ZNF521: variants seen among roughly 807,000 people sequenced by gnomAD.
ZNF521 encodes the protein LYST-interacting protein 3.
Under a neutral mutation model 105.5 loss-of-function variants are expected in ZNF521, and 14 were observed. The observed-to-expected ratio is 0.13, with a 90% confidence interval of 0.09 to 0.21. The LOEUF (loss-of-function observed/expected upper bound fraction) is 0.21. ZNF521 is among the 10% of genes least tolerant of loss of function. The probability of loss-of-function intolerance (pLI) is 1.00; values close to 1 mark genes in which losing one functional copy is unlikely to be tolerated. For synonymous variants in ZNF521, 635 were observed against 606.0 expected (o/e 1.05, Z -0.70); for missense variants, 1,233 against 1,629.7 (o/e 0.76, Z 4.19).
intron 5 of ZNF521, among the ~76,000 whole-genome samples, chr18:25,128,580 T>A (rs895378456): frequency 6.6e-6 from 1 of 151,780 alleles, no homozygotes; most frequent in African/African-American, 2.4e-5. Flanking sequence ...ACGAAGAAAA[T>A]CCTGGAACTA....
intron 7 of ZNF521, among the ~76,000 whole-genome samples, chr18:25,077,014 T>G (rs901171262): frequency 1.3e-5 from 2 of 152,220 alleles, no homozygotes; most frequent in African/African-American, 2.4e-5. Context: ...CTAGGCAGCT[T>G]GCTACAAATC....
chr18:25,146,858 C>T (rs1401364187), intron 5 of ZNF521, among the ~76,000 whole-genome samples: 1 of 151,820 alleles, frequency 6.6e-6, no homozygotes, highest in Admixed American at 6.6e-5. Context: ...TGTGATAAAC[C>T]CTTTATACCT....
chr18:25,321,605 G>A (rs887664018), intron 3 of ZNF521, among the ~76,000 whole-genome samples: 15 of 152,210 alleles, frequency 9.9e-5, no homozygotes, highest in African/African-American at 3.6e-4. Context: ...GCTAACTCAG[G>A]CAGAGGGAGA....
At chr18:25,268,213 C>A (rs888585996) in intron 3 of ZNF521, among the ~76,000 whole-genome samples, 27 of 151,920 alleles carry the variant, frequency 1.8e-4, no homozygotes, top group Admixed American at 1.8e-3. Context: ...TGAAATACAG[C>A]AAGAAGACAA....
chr18:25,320,655 A>T (rs945852609), intron 3 of ZNF521, among the ~76,000 whole-genome samples: 15 of 152,228 alleles, frequency 9.9e-5, no homozygotes, highest in Non-Finnish European at 2.2e-4. Flanking sequence ...ATGGAGAAAA[A>T]TGTAAGCAAC....
intron 5 of ZNF521, among the ~76,000 whole-genome samples, chr18:25,101,942 G>T (rs1357953233): frequency 6.6e-6 from 1 of 152,146 alleles, no homozygotes; most frequent in Non-Finnish European, 1.5e-5. Context: ...AGCAATTAAA[G>T]AGAACAGCAG....
intron 1 of ZNF521, 107 bp downstream of exon 1, chr18:25,351,889 AGCAGCGGCG>A (rs896397497): frequency 9.3e-5 from 26 of 278,420 alleles, no homozygotes; most frequent in South Asian, 3.1e-4. Flanking sequence ...CGGCGGCGGC[AGCAGCGGCG>A]GCAGCGGCGG....
rs763964957 is a variant in ZNF521 at position 25,227,009 on chromosome 18, C to T, written c.909G>A (p.Val303=). 6.2e-7 allele frequency: 1 copy of T among 1,614,150 alleles called. No homozygotes were observed. The highest frequency in any genetic ancestry group is 1.1e-5 in the South Asian group (1 of 91,074). The change falls in exon 4 of 8, where the codon GTG becomes GTA. Residue 303 remains valine, a synonymous_variant. Coordinates refer to ENST00000361524, the MANE Select transcript of ZNF521 (RefSeq NM_015461.3). The surrounding 1 kb of genome is among the most constrained non-coding windows in gnomAD (Gnocchi z 5.7). ...ETSLMNHMEQ[V]HSGEKKNSCS... ...ATGAGTTCTTCTTCTCCCCGCTATG[C>T]ACCTGCTCCATGTGGTTCATGAGGG...
chr18:25,067,042 A>G (rs1415323127), intron 7 of ZNF521, among the ~76,000 whole-genome samples: 1 of 152,230 alleles, frequency 6.6e-6, no homozygotes, highest in Non-Finnish European at 1.5e-5. Context: ...AAAAGGAAGT[A>G]GGAAGAGAAG....
intron 3 of ZNF521, among the ~76,000 whole-genome samples, chr18:25,244,723 C>T (rs1057020311): frequency 8.5e-5 from 13 of 152,192 alleles, no homozygotes; most frequent in African/African-American, 2.7e-4. Context: ...AGGAGAAATT[C>T]CAAAAGGTAC....
intron 5 of ZNF521, among the ~76,000 whole-genome samples, chr18:25,183,979 G>T (rs1363807454): frequency 3.3e-5 from 5 of 152,250 alleles, no homozygotes; most frequent in African/African-American, 9.6e-5. Context: ...GAAACAGATA[G>T]GGGATGGTAT....
intron 2 of ZNF521, among the ~76,000 whole-genome samples, chr18:25,344,168 T>C (rs1914355507): frequency 2.1e-5 from 3 of 143,372 alleles, no homozygotes; most frequent in Non-Finnish European, 4.5e-5. Context: ...TGATGCATGC[T>C]AAAAGCCCAA....
intron 2 of ZNF521, among the ~76,000 whole-genome samples, chr18:25,335,807 G>A (rs1359155267): frequency 6.6e-6 from 1 of 152,200 alleles, no homozygotes; most frequent in Non-Finnish European, 1.5e-5. Flanking sequence ...AAAAGATAGT[G>A]TCTACGAAGA....
chr18:25,173,505 C>T (rs1403414117), intron 5 of ZNF521, among the ~76,000 whole-genome samples: 2 of 152,206 alleles, frequency 1.3e-5, no homozygotes, highest in Non-Finnish European at 2.9e-5. Context: ...TTTAAGGCAA[C>T]CACCCCACGT....
chr18:25,269,572 G>C (rs948997440), intron 3 of ZNF521, among the ~76,000 whole-genome samples: 3 of 152,124 alleles, frequency 2.0e-5, no homozygotes, highest in African/African-American at 7.2e-5. Flanking sequence ...CAAAAGAATG[G>C]AAGTCATAAC....
At chr18:25,116,876 TATATATATATAC>T in intron 5 of ZNF521, among the ~76,000 whole-genome samples, 1 of 90,492 alleles carries the variant, frequency 1.1e-5, no homozygotes, top group Non-Finnish European at 2.6e-5. Context: ...TATACGTATA[TATATATATATAC>T]GTATATATAT....
intron 3 of ZNF521, among the ~76,000 whole-genome samples, chr18:25,310,726 C>A (rs1430135065): frequency 6.6e-6 from 1 of 152,084 alleles, no homozygotes; most frequent in Non-Finnish European, 1.5e-5. Context: ...GTTGCATTGA[C>A]CCTGTTATTT....
chr18:25,239,542 G>A (rs1244324640), intron 3 of ZNF521, among the ~76,000 whole-genome samples: 1 of 152,186 alleles, frequency 6.6e-6, no homozygotes. Context: ...CAAAGCAAAT[G>A]AATATCTGGA....
chr18:25,163,597 C>T (rs2035286787), intron 5 of ZNF521, among the ~76,000 whole-genome samples: 1 of 152,124 alleles, frequency 6.6e-6, no homozygotes, highest in Non-Finnish European at 1.5e-5. Flanking sequence ...AGACACAATG[C>T]AATTGGAACA....
Sources: allele counts gnomAD v4.1 joint callset (sites outside exome capture counted in the v4.1 genomes callset), GRCh38; gene constraint gnomAD v4.1.1; non-coding constraint Gnocchi (gnomAD v3.1); transcripts MANE v1.5; gene names NCBI Gene and HGNC (gene_info 2026-07-23, HGNC 2026-07-21).